GABRP: variants seen among roughly 807,000 people sequenced by gnomAD.
GABRP encodes gamma-aminobutyric acid type A receptor subunit pi.
In GABRP, 52 loss-of-function variants were observed where a neutral mutation model predicts 47.8. The observed-to-expected ratio is 1.09, with a 90% CI of 0.87 to 1.37. The LOEUF (loss-of-function observed/expected upper bound fraction) is 1.37, where lower values mean the gene tolerates loss of function less well. Ranked by LOEUF, GABRP falls within the 40% of genes most tolerant of loss-of-function variation. The pLI is 0.00. For synonymous variants in GABRP, 221 were observed against 205.8 expected (o/e 1.07, Z -0.63); for missense variants, 525 against 542.8 (o/e 0.97, Z 0.33).
intron 1 of GABRP, chr5:170,788,313 C>A (rs113312424): frequency 1.7e-4 from 46 of 266,284 alleles, no homozygotes; most frequent in African/African-American, 7.3e-4. Context: ...CATGTCCCTG[C>A]ACTTCAGCCT....
intron 3 of GABRP, 90 bp from the exon 4 acceptor site, chr5:170,794,141 G>A: frequency 2.5e-6 from 2 of 786,476 alleles, no homozygotes; most frequent in Non-Finnish European, 1.9e-6. Context: ...CACAACTTTT[G>A]TAATTTTAAT....
At chr5:170,790,340 T>C (rs144734381) in intron 3 of GABRP, among the ~76,000 whole-genome samples, 15 of 152,196 alleles carry the variant, frequency 9.9e-5, no homozygotes, top group South Asian at 8.3e-4. Context: ...TCCATCTATC[T>C]CACAGGGAAG....
intron 1 of GABRP, chr5:170,788,342 C>T: frequency 2.9e-6 from 1 of 343,812 alleles, no homozygotes; most frequent in South Asian, 6.5e-5. Context: ...GAGTGAGGCC[C>T]TGTTTAAAAA....
At position 170,788,579 on chromosome 5, in the gene GABRP, T is replaced by C. The variant is rs1391304652; in HGVS notation, c.-37T>C. On this transcript the variant is annotated 5_prime_UTR_variant, in exon 2 of 10. Coordinates refer to ENST00000265294, the MANE Select transcript of GABRP (RefSeq NM_014211.3). ...CCTTGCCCCCTGTTTCCCAGGTGAT[T>C]CCTACTTCAGCCCCTTGGTGTGAGC... 3 of 1,612,122 alleles carry C rather than the reference T, an allele frequency of 1.9e-6. No homozygotes were observed. The highest frequency in any genetic ancestry group is 2.5e-6 in the Non-Finnish European group (3 of 1,178,424).
chr5:170,800,692 T>C (rs1034338763), intron 6 of GABRP, among the ~76,000 whole-genome samples: 1 of 152,208 alleles, frequency 6.6e-6, no homozygotes, highest in Non-Finnish European at 1.5e-5. Flanking sequence ...ACGCCTATAA[T>C]CCCAGCACTT....
intron 6 of GABRP, 28 bp downstream of exon 6, chr5:170,797,576 G>C (rs1243713597): frequency 7.0e-7 from 1 of 1,431,644 alleles, no homozygotes; most frequent in South Asian, 1.1e-5. Context: ...AGGCTCCTGA[G>C]ATGATTTTCC....
At chr5:170,799,469 C>T (rs1169799147) in intron 6 of GABRP, among the ~76,000 whole-genome samples, 2 of 152,132 alleles carry the variant, frequency 1.3e-5, no homozygotes, top group Non-Finnish European at 2.9e-5. Context: ...TAATGATTGC[C>T]ATTCTAACTG....
intron 9 of GABRP, among the ~76,000 whole-genome samples, chr5:170,811,398 A>G (rs1324572055): frequency 1.3e-5 from 2 of 151,330 alleles, no homozygotes; most frequent in Non-Finnish European, 2.9e-5. Flanking sequence ...GAGCATCACT[A>G]TTTCTGCTTT....
chr5:170,805,594 T>A, intron 6 of GABRP, 122 bp from the exon 7 acceptor site: 1 of 1,099,592 alleles, frequency 9.1e-7, no homozygotes, highest in Non-Finnish European at 1.3e-6. Context: ...CATGGGATTG[T>A]CCTTGGACTT....
At chr5:170,804,340 T>C (rs1765673187) in intron 6 of GABRP, among the ~76,000 whole-genome samples, 2 of 152,110 alleles carry the variant, frequency 1.3e-5, no homozygotes, top group African/African-American at 4.8e-5. Flanking sequence ...GTGTGAGTCT[T>C]TCTGTGGACA....
chr5:170,787,618 G>A (rs374199511), intron 1 of GABRP, among the ~76,000 whole-genome samples: 3 of 152,192 alleles, frequency 2.0e-5, no homozygotes, highest in African/African-American at 4.8e-5. Context: ...AGAGTACCGG[G>A]GGGGAGGCAG....
At chr5:170,804,349 C>G (rs992316865) in intron 6 of GABRP, among the ~76,000 whole-genome samples, 1 of 152,020 alleles carries the variant, frequency 6.6e-6, no homozygotes, top group African/African-American at 2.4e-5. Context: ...TTTCTGTGGA[C>G]AGGATTTCAT....
intron 7 of GABRP, among the ~76,000 whole-genome samples, chr5:170,807,789 T>C (rs964100164): frequency 8.5e-5 from 13 of 152,138 alleles, no homozygotes; most frequent in South Asian, 2.1e-4. Flanking sequence ...ATGGTATAAT[T>C]TCTCATTTCA....
chr5:170,811,943 G>T lies in GABRP; in HGVS notation c.1021-13G>T, dbSNP rs1256567891. On this transcript the variant is annotated splice_polypyrimidine_tract_variant and intron_variant, in intron 9 of 9. Coordinates refer to ENST00000265294, the MANE Select transcript of GABRP (RefSeq NM_014211.3). ...TCAAGTCTTTTAAGCTAACTGCATT[G>T]TCTATGAACTAGGGGACAACAAAGG... 6.2e-7 allele frequency: 1 copy of T among 1,610,996 alleles called. No individual in the cohort carries two copies. The highest frequency in any genetic ancestry group is 8.5e-7 in the Non-Finnish European group (1 of 1,177,790).
Position 170,805,825 on chromosome 5 carries a change from C to T in GABRP, c.651C>T (p.Thr217=). 6.2e-7 allele frequency: 1 copy of T among 1,614,144 alleles called. No individual in the cohort carries two copies. The highest frequency in any genetic ancestry group is 8.5e-7 in the Non-Finnish European group (1 of 1,180,006). ...AGTACACCATAGAGCGGTATTTCAC[C>T]TTAGTCACCAGATCGCAGCAGGAGA... The part of the protein sequence containing the change: ...LAQYTIERYF[T]LVTRSQQETG... The change falls in exon 7 of 10, where the codon ACC becomes ACT. Residue 217 remains threonine (T), a synonymous_variant. Transcript: ENST00000265294.
intron 4 of GABRP, 43 bp from the exon 5 acceptor site, chr5:170,795,165 C>T (rs1395496948): frequency 6.3e-6 from 9 of 1,424,296 alleles, no homozygotes; most frequent in Non-Finnish European, 7.9e-6. Context: ...GTTTTCTCAC[C>T]CACTACCCCC....
chr5:170,784,716 A>C (rs73800952), intron 1 of GABRP, among the ~76,000 whole-genome samples: 1 of 152,116 alleles, frequency 6.6e-6, no homozygotes, highest in African/African-American at 2.4e-5. Flanking sequence ...GGAGAATGAA[A>C]ACTAATGTTT....
chr5:170,809,836 T>C, intron 9 of GABRP, 81 bp downstream of exon 9: 1 of 1,331,858 alleles, frequency 7.5e-7, no homozygotes, highest in Non-Finnish European at 1.1e-6. Context: ...ACCTGGCTTC[T>C]ATCCCCACCC....
Position 170,813,375 on chromosome 5 carries a change from A to G in GABRP, c.*1117A>G, listed in dbSNP as rs1327948065. On this transcript the variant is annotated 3_prime_UTR_variant, in exon 10 of 10. Transcript: ENST00000265294. Reference sequence around the variant, plus strand: ...AGGAACAAGTGGCTTAGCTTAAGTAAACTTGGCTTTGCTCAGATCCCTGAT... The same window carrying G: ...AGGAACAAGTGGCTTAGCTTAAGTAGACTTGGCTTTGCTCAGATCCCTGAT... 1 of 152,256 alleles carries G rather than the reference A, an allele frequency of 6.6e-6. No individual in the cohort carries two copies. Among genetic ancestry groups the G allele is most frequent in the East Asian group, 1.9e-4 (1 of 5,192 alleles). The allele number at this position is 152,256 out of a possible 1,614,324, so 9.4% of individuals were successfully genotyped here.
Sources: gnomAD v4.1 joint callset for allele counts (sites outside exome capture counted in the v4.1 genomes callset) on GRCh38, gnomAD v4.1.1 for gene constraint, MANE v1.5 for transcripts, NCBI Gene and HGNC (gene_info 2026-07-23, HGNC 2026-07-21) for gene names.